Variants in GDNF observed in about 807,000 individuals in gnomAD.
The protein encoded by GDNF is glial cell line-derived neurotrophic factor.
Under a neutral mutation model 13.7 loss-of-function variants are expected in GDNF, and 5 were observed. That is an observed-to-expected ratio of 0.36 (90% CI 0.19 to 0.77). The LOEUF (loss-of-function observed/expected upper bound fraction) is 0.77. GDNF is among the 30% of genes least tolerant of loss of function. The pLI is 0.51. For synonymous variants in GDNF, 122 were observed against 112.5 expected (o/e 1.08, Z -0.53); for missense variants, 246 against 274.3 (o/e 0.90, Z 0.73).
In GDNF at chr5:37,815,890, C is replaced by T; in HGVS notation, c.397G>A (p.Gly133Ser). Residue 133 changes from glycine (G) to serine (S), a missense_variant, in exon 3 of 3, where the codon GGC becomes AGC. Physicochemically the swap from Gly to Ser is moderately conservative, Grantham distance 56. Coordinates refer to ENST00000326524, the MANE Select transcript of GDNF (RefSeq NM_000514.4). The surrounding 1 kb of genome is among the most constrained non-coding windows in gnomAD (Gnocchi z 5.0). The stretch of plus-strand genomic sequence containing the variant: ...ATCAGTTCCTCCTTGGTTTCATAGC[C>T]CAGACCCAAGTCAGTGACATTTAAA... ...IHLNVTDLGL[G>S]YETKEELIFR... is the part of the protein sequence containing the mutation. 1.9e-6 allele frequency: 3 copies of T among 1,614,132 alleles called. No individual in the cohort carries two copies. Among genetic ancestry groups the T allele is most frequent in the South Asian group, 1.1e-5 (1 of 91,070 alleles).
At chr5:37,821,119 C>A (rs1549250) in intron 2 of GDNF, among the ~76,000 whole-genome samples, 83,956 of 151,910 alleles carry the variant, frequency 0.55, 23,686 homozygotes, top group African/African-American at 0.6. Context: ...GGGCATTAGG[C>A]GCCATACTCC....
At chr5:37,834,598 C>A in intron 2 of GDNF, 48 bp downstream of exon 2, 2 of 1,390,974 alleles carry the variant, frequency 1.4e-6, no homozygotes, top group South Asian at 1.5e-5. Flanking sequence ...GGTGGGGGTG[C>A]GAGGGGGTCC....
chr5:37,833,868 G>A (rs186263993), intron 2 of GDNF, among the ~76,000 whole-genome samples: 2 of 152,314 alleles, frequency 1.3e-5, no homozygotes, highest in Admixed American at 6.5e-5. Context: ...GAGGGAAAAC[G>A]AGATCACATC....
rs1311412899 is a variant in GDNF at position 37,839,363 on chromosome 5, C to CTCTAA, written c.-27+143_-27+144insTTAGA. ...TCTCTCCTCGCATAGCTTAGGTTCCCTCTAGTCTTTCCACTTTCTACTCTC... is the reference window on the plus strand; with the variant it reads ...TCTCTCCTCGCATAGCTTAGGTTCCCTCTAATCTAGTCTTTCCACTTTCTACTCTC... On this transcript the variant is annotated intron_variant, in intron 1 of 2. Coordinates refer to ENST00000326524, the MANE Select transcript of GDNF (RefSeq NM_000514.4). The surrounding 1 kb of genome is among the most constrained non-coding windows in gnomAD (Gnocchi z 5.5). 30 of 152,338 alleles carry CTCTAA rather than the reference C, an allele frequency of 2.0e-4. No individual in the cohort carries two copies. Among genetic ancestry groups the CTCTAA allele is most frequent in the Admixed American group, 2.0e-3 (30 of 15,284 alleles). The allele number at this position is 152,338 out of a possible 1,614,324, so 9.4% of individuals were successfully genotyped here. A position where few individuals can be genotyped will look rare whatever the true frequency, so the allele number is the denominator to read the frequency against.
chr5:37,815,654 G>T lies in GDNF; in HGVS notation c.633C>A (p.Ile211=). 1 of 1,613,262 alleles carries T rather than the reference G, an allele frequency of 6.2e-7. No homozygotes were observed. The highest frequency in any genetic ancestry group is 1.3e-5 in the African/African-American group (1 of 74,974). ...ACAGCAGTCTCTGGAGCCGGAGTCA[G>T]ATACATCCACACCTTTTAGCGGAAT... The part of the protein sequence containing the change: ...RKHSAKRCGC[I] The change falls in exon 3 of 3, where the codon ATC becomes ATA. Residue 211 remains isoleucine, a synonymous_variant. Transcript: ENST00000326524. The surrounding 1 kb of genome is among the most constrained non-coding windows in gnomAD (Gnocchi z 5.0).
rs1388327588 is a variant in GDNF at position 37,813,108 on chromosome 5, G to A, written c.*2543C>T. 2 of 152,208 alleles carry A rather than the reference G, an allele frequency of 1.3e-5. No individual in the cohort carries two copies. Among genetic ancestry groups the A allele is most frequent in the Admixed American group, 1.3e-4 (2 of 15,274 alleles). The allele number at this position is 152,208 out of a possible 1,614,324, so 9.4% of individuals were successfully genotyped here. A position where few individuals can be genotyped will look rare whatever the true frequency, so the allele number is the denominator to read the frequency against. On this transcript the variant is annotated 3_prime_UTR_variant, in exon 3 of 3. Coordinates refer to ENST00000326524, the MANE Select transcript of GDNF (RefSeq NM_000514.4). ...GGGCCACATCCAAATTGTGCTCCACGAATGACTGGATGGCTGGGGTTTGTC... is the reference window on the plus strand; with the variant it reads ...GGGCCACATCCAAATTGTGCTCCACAAATGACTGGATGGCTGGGGTTTGTC...
At chr5:37,826,745 C>T (rs1028205703) in intron 2 of GDNF, among the ~76,000 whole-genome samples, 1 of 152,170 alleles carries the variant, frequency 6.6e-6, no homozygotes, top group African/African-American at 2.4e-5. Flanking sequence ...TCCACATGTG[C>T]CATGTCCTAA....
chr5:37,818,232 C>T (rs1393817216), intron 2 of GDNF, among the ~76,000 whole-genome samples: 1 of 152,178 alleles, frequency 6.6e-6, no homozygotes, highest in Non-Finnish European at 1.5e-5. Flanking sequence ...TGTCCCCACC[C>T]AAATATCATC....
chr5:37,820,511 G>A (rs181779954), intron 2 of GDNF, among the ~76,000 whole-genome samples: 3 of 152,252 alleles, frequency 2.0e-5, no homozygotes, highest in Admixed American at 1.3e-4. Flanking sequence ...GTGAATACAC[G>A]TCATAGCAAA....
intron 2 of GDNF, among the ~76,000 whole-genome samples, chr5:37,826,921 G>A (rs939823167): frequency 6.6e-6 from 1 of 152,150 alleles, no homozygotes; most frequent in Admixed American, 6.5e-5. Context: ...CCATACAAAG[G>A]CATTCATGCA....
At chr5:37,823,458 C>T (rs1400913620) in intron 2 of GDNF, 2 of 152,182 alleles carry the variant, frequency 1.3e-5, no homozygotes, top group Admixed American at 1.3e-4. Flanking sequence ...CTGCCATGGG[C>T]CACAGAATAC....
chr5:37,833,421 C>T (rs886767984), intron 2 of GDNF, among the ~76,000 whole-genome samples: 5 of 152,228 alleles, frequency 3.3e-5, no homozygotes, highest in African/African-American at 1.2e-4. Context: ...ACCATGTTCC[C>T]TAACTTCCTT....
At chr5:37,821,689 G>A (rs1049224460) in intron 2 of GDNF, among the ~76,000 whole-genome samples, 3 of 152,048 alleles carry the variant, frequency 2.0e-5, no homozygotes, top group African/African-American at 7.2e-5. Context: ...GCACAACTCT[G>A]GGAACAAACA....
In GDNF at chr5:37,814,566, C is replaced by G. The variant is rs1236153730; in HGVS notation, c.*1085G>C. 6.6e-6 allele frequency: 1 copy of G among 152,184 alleles called. No homozygotes were observed. The highest frequency in any genetic ancestry group is 2.4e-5 in the African/African-American group (1 of 41,442). 9.4% of individuals were successfully genotyped at this position (152,184 alleles called of 1,614,324 possible). A position where few individuals can be genotyped will look rare whatever the true frequency, so the allele number is the denominator to read the frequency against. ...GGACCCTTGTTCCCAATTCAAATTTCCTTTTGTCACCTTTCTTTGCATTTT... is the reference window on the plus strand; with the variant it reads ...GGACCCTTGTTCCCAATTCAAATTTGCTTTTGTCACCTTTCTTTGCATTTT... On this transcript the variant is annotated 3_prime_UTR_variant, in exon 3 of 3. Transcript: ENST00000326524.
In GDNF at chr5:37,837,390, G is replaced by A. The variant is rs1352956266; in HGVS notation, c.-27+2117C>T. Among the ~76,000 whole-genome samples, 4 of 152,142 alleles carry A rather than the reference G, an allele frequency of 2.6e-5. No homozygotes were observed. The highest frequency in any genetic ancestry group is 6.5e-5 in the Admixed American group (1 of 15,274). ...CACCATTTCTCGTGCCTGGCAAGCT[G>A]GTCCCCTTCTGGGTCCGGGACCACC... On this transcript the variant is annotated intron_variant, in intron 1 of 2. Coordinates refer to ENST00000326524, the MANE Select transcript of GDNF (RefSeq NM_000514.4). This position sits in a 1 kb window ranked among gnomAD's most constrained non-coding sequence, Gnocchi z 6.5.
At chr5:37,828,914 C>A (rs552530477) in intron 2 of GDNF, among the ~76,000 whole-genome samples, 1 of 152,330 alleles carries the variant, frequency 6.6e-6, no homozygotes, top group East Asian at 1.9e-4. Context: ...AAGCACAACA[C>A]CTCAAAATAA....
chr5:37,835,808 C>A, intron 1 of GDNF: 2 of 718,118 alleles, frequency 2.8e-6, no homozygotes, highest in South Asian at 3.1e-5. Context: ...GACGACTGTA[C>A]CCAGTCTCGG....
chr5:37,818,051 C>T (rs1749995395), intron 2 of GDNF, among the ~76,000 whole-genome samples: 1 of 152,172 alleles, frequency 6.6e-6, no homozygotes, highest in Admixed American at 6.5e-5. Context: ...TGTTCCCTCC[C>T]GTCTAGCTAC....
At chr5:37,835,643 T>G (rs1750677854) in intron 1 of GDNF, 1 of 1,550,282 alleles carries the variant, frequency 6.5e-7, no homozygotes, top group Non-Finnish European at 8.7e-7. Flanking sequence ...CCATTGCTGT[T>G]AGGCAAAGAC....
Sources: gnomAD v4.1 joint callset for allele counts (sites outside exome capture counted in the v4.1 genomes callset) on GRCh38, gnomAD v4.1.1 for gene constraint, Gnocchi (gnomAD v3.1) non-coding constraint, MANE v1.5 for transcripts, NCBI Gene and HGNC (gene_info 2026-07-23, HGNC 2026-07-21) for gene names.